TENM3: variants seen among roughly 807,000 people sequenced by gnomAD.
TENM3 encodes the protein teneurin transmembrane protein 3, also known as teneurin-3.
TENM3 carries 63 observed loss-of-function variants against 255.1 expected under a neutral mutation model. That is an observed-to-expected ratio of 0.25 (90% CI 0.20 to 0.30). TENM3 has a LOEUF of 0.30. TENM3 is among the 10% of genes least tolerant of loss of function. TENM3 has a pLI of 1.00. For synonymous variants in TENM3, 1,306 were observed against 1,322.3 expected (o/e 0.99, Z 0.27); for missense variants, 2,929 against 3,461.1 (o/e 0.85, Z 3.86).
At chr4:182,241,518 C>CTTTTTTTTTTTTTTTTTTTTT (rs982739950), upstream of TENM3, among the ~76,000 whole-genome samples, 93 of 114,264 alleles carry the variant, frequency 8.1e-4, 2 homozygotes, top group African/African-American at 1.4e-3. Context: ...TTTTTTCTTT[C>CTTTTTTTTTTTTTTTTTTTTT]TTTTTTTTTT....
chr4:182,356,706 T>A (rs180773258), intron 3 of TENM3, among the ~76,000 whole-genome samples: 17 of 152,070 alleles, frequency 1.1e-4, no homozygotes, highest in Admixed American at 9.8e-4. Flanking sequence ...AATATATTTT[T>A]AAAATTATTA....
the TENM3 span, among the ~76,000 whole-genome samples, chr4:181,814,141 A>G: frequency 6.6e-6 from 1 of 152,214 alleles, no homozygotes; most frequent in Non-Finnish European, 1.5e-5. Flanking sequence ...TGCTGCTTAC[A>G]GAACAAGTAT....
At chr4:181,850,553 G>A in the TENM3 span, among the ~76,000 whole-genome samples, 1 of 151,812 alleles carries the variant, frequency 6.6e-6, no homozygotes, top group Non-Finnish European at 1.5e-5. Flanking sequence ...TATATCGAGA[G>A]GTTTTTTAGA....
chr4:182,114,054 T>C, the TENM3 span, among the ~76,000 whole-genome samples: 22,029 of 152,176 alleles, frequency 0.14, 1,882 homozygotes, highest in Non-Finnish European at 0.19. Context: ...TTTGAGTAAT[T>C]CTATCTGGTT....
At chr4:182,407,882 T>C (rs1769693712) in intron 3 of TENM3, among the ~76,000 whole-genome samples, 1 of 152,212 alleles carries the variant, frequency 6.6e-6, no homozygotes, top group East Asian at 1.9e-4. Context: ...GTATATTAAG[T>C]GTTAAAATGG....
chr4:182,048,235 G>T, the TENM3 span, among the ~76,000 whole-genome samples: 1 of 152,076 alleles, frequency 6.6e-6, no homozygotes, highest in African/African-American at 2.4e-5. Flanking sequence ...AATATGATTA[G>T]CCAGAAAATA....
the TENM3 span, among the ~76,000 whole-genome samples, chr4:181,656,196 C>A: frequency 6.6e-6 from 1 of 152,106 alleles, no homozygotes; most frequent in Admixed American, 6.6e-5. Flanking sequence ...TTTTGAGGCA[C>A]CTATCTGCAG....
At chr4:182,752,342 C>T (rs1257502966) in intron 20 of TENM3, among the ~76,000 whole-genome samples, 1 of 152,124 alleles carries the variant, frequency 6.6e-6, no homozygotes, top group Non-Finnish European at 1.5e-5. Context: ...TCCTGTTCAA[C>T]TTCAAGGAAG....
At chr4:182,653,233 TACTC>T (rs1394022691) in intron 5 of TENM3, among the ~76,000 whole-genome samples, 1 of 152,214 alleles carries the variant, frequency 6.6e-6, no homozygotes, top group African/African-American at 2.4e-5. Flanking sequence ...ATTCAAAAAT[TACTC>T]ATCCCAAATT....
the TENM3 span, among the ~76,000 whole-genome samples, chr4:181,575,461 C>T: frequency 6.6e-6 from 1 of 152,156 alleles, no homozygotes; most frequent in Non-Finnish European, 1.5e-5. Context: ...AATCCCAAGT[C>T]TTTCAAATGG....
At chr4:181,575,302 G>C in the TENM3 span, among the ~76,000 whole-genome samples, 1 of 151,786 alleles carries the variant, frequency 6.6e-6, no homozygotes, top group Non-Finnish European at 1.5e-5. Context: ...TTATTTTCTT[G>C]TTTTTTCTAT....
the TENM3 span, among the ~76,000 whole-genome samples, chr4:181,673,553 G>C: frequency 2.0e-4 from 30 of 152,152 alleles, no homozygotes; most frequent in East Asian, 5.4e-3. Flanking sequence ...TCAGGGGAGA[G>C]AGCAATTGCA....
chr4:182,137,978 G>C, the TENM3 span, among the ~76,000 whole-genome samples: 4 of 152,166 alleles, frequency 2.6e-5, no homozygotes, highest in Non-Finnish European at 5.9e-5. Flanking sequence ...TGTAAGTCCT[G>C]AATATGTTTC....
chr4:182,612,353 A>G (rs1342929830), intron 4 of TENM3, among the ~76,000 whole-genome samples: 1 of 152,052 alleles, frequency 6.6e-6, no homozygotes, highest in African/African-American at 2.4e-5. Flanking sequence ...ACTTAAACAC[A>G]CACAGAGTTT....
chr4:182,512,811 A>C (rs1320243545), intron 3 of TENM3, among the ~76,000 whole-genome samples: 1 of 152,148 alleles, frequency 6.6e-6, no homozygotes, highest in Non-Finnish European at 1.5e-5. Flanking sequence ...TAACCTCTTT[A>C]GGGTGGCAGT....
At chr4:181,695,813 T>C in the TENM3 span, among the ~76,000 whole-genome samples, 2 of 152,170 alleles carry the variant, frequency 1.3e-5, no homozygotes, top group Admixed American at 1.3e-4. Flanking sequence ...TGATCTACCA[T>C]GTAATGGATC....
chr4:181,610,244 A>C, the TENM3 span, among the ~76,000 whole-genome samples: 1 of 152,162 alleles, frequency 6.6e-6, no homozygotes, highest in Non-Finnish European at 1.5e-5. Flanking sequence ...ATCTATGGGC[A>C]CAATCCTCAT....
At chr4:181,916,126 A>G in the TENM3 span, among the ~76,000 whole-genome samples, 1 of 151,162 alleles carries the variant, frequency 6.6e-6, no homozygotes, top group South Asian at 2.1e-4. Flanking sequence ...TGCTCCCCCT[A>G]AAAGACTCTC....
At chr4:181,605,035 C>T in the TENM3 span, among the ~76,000 whole-genome samples, 2 of 152,194 alleles carry the variant, frequency 1.3e-5, no homozygotes, top group Non-Finnish European at 2.9e-5. Context: ...TGTAATCTTA[C>T]ATCCACCATG....
Sources: gnomAD v4.1 joint callset for allele counts (sites outside exome capture counted in the v4.1 genomes callset) on GRCh38, gnomAD v4.1.1 for gene constraint, MANE v1.5 for transcripts, NCBI Gene and HGNC (gene_info 2026-07-23, HGNC 2026-07-21) for gene names.